Variants in AFF4 observed in about 807,000 individuals in gnomAD.
AFF4 encodes AF4/FMR2 family member 4.
Under a neutral mutation model 124.8 loss-of-function variants are expected in AFF4, and 13 were observed. The observed-to-expected ratio is 0.10, with a 90% CI of 0.07 to 0.17. The LOEUF (loss-of-function observed/expected upper bound fraction) is 0.17. AFF4 is among the 10% of genes least tolerant of loss of function. The pLI is 1.00. For synonymous variants in AFF4, 477 were observed against 496.1 expected (o/e 0.96, Z 0.51); for missense variants, 1,092 against 1,403.8 (o/e 0.78, Z 3.55).
At chr5:132,889,740 A>G (rs1303223217) in intron 13 of AFF4, among the ~76,000 whole-genome samples, 1 of 152,218 alleles carries the variant, frequency 6.6e-6, no homozygotes, top group Non-Finnish European at 1.5e-5. Flanking sequence ...CAAATTCAGA[A>G]TTGCCAGACT....
chr5:132,889,112 T>G lies in AFF4; in HGVS notation c.2699A>C (p.Lys900Thr). The G allele has an allele frequency of 6.2e-7, 1 of 1,614,086 alleles. No individual in the cohort carries two copies. The highest frequency in any genetic ancestry group is 8.5e-7 in the Non-Finnish European group (1 of 1,179,962). Residue 900 changes from lysine (K) to threonine (T), a missense_variant, in exon 14 of 21, where the codon AAG becomes ACG. By Grantham distance (78) the Lys-to-Thr change is moderately conservative (BLOSUM62 -1). Coordinates refer to ENST00000265343, the MANE Select transcript of AFF4 (RefSeq NM_014423.4). ...AAAGACAAGCTTTGTTCTCCGAGGC[T>G]TAGAAGAATCAAGAGTTGGTGCAGA... ...PPSAPTLDSSKPRRTKLVFDD... is the reference protein window; with the variant it reads ...PPSAPTLDSSTPRRTKLVFDD...
chr5:132,919,508 T>C (rs1199155951), intron 5 of AFF4, among the ~76,000 whole-genome samples: 1 of 152,136 alleles, frequency 6.6e-6, no homozygotes, highest in East Asian at 1.9e-4. Flanking sequence ...ATAGAAAAAT[T>C]AGCTTAAGAT....
intron 11 of AFF4, among the ~76,000 whole-genome samples, chr5:132,895,766 C>G (rs1437881617): frequency 6.6e-6 from 1 of 152,128 alleles, no homozygotes; most frequent in Non-Finnish European, 1.5e-5. Context: ...AAAAGCAGAC[C>G]TTAAATATAC....
chr5:132,915,129 GAGATGGT>G, intron 5 of AFF4, among the ~76,000 whole-genome samples: 1 of 152,090 alleles, frequency 6.6e-6, no homozygotes, highest in Non-Finnish European at 1.5e-5. Context: ...ACGAGGTCAG[GAGATGGT>G]CTAGACCATC....
rs754798157 is a variant in AFF4, at chr5:132,884,335, G to GGA, written c.3143+740_3143+741insTC. Among the ~76,000 whole-genome samples, 668 of 152,258 alleles carry GGA rather than the reference G, an allele frequency of 4.4e-3. 3 individuals carry two copies. Among genetic ancestry groups the GGA allele is most frequent in the Middle Eastern group, 0.01 (3 of 294 alleles). On this transcript the variant is annotated intron_variant, in intron 19 of 20. Coordinates refer to ENST00000265343, the MANE Select transcript of AFF4 (RefSeq NM_014423.4). ...TTACTGCAACCTCCACGCCTCCCTG[G>GGA]TTCCAATGATTCTCCTGCCTCAGCC...
At chr5:132,951,090 T>C (rs1161401552) in intron 1 of AFF4, among the ~76,000 whole-genome samples, 3 of 152,066 alleles carry the variant, frequency 2.0e-5, no homozygotes, top group African/African-American at 7.2e-5. Flanking sequence ...CCAGGCGTGG[T>C]GGTGCAAACC....
chr5:132,902,904 G>A (rs1487551793), intron 6 of AFF4, among the ~76,000 whole-genome samples: 4 of 152,120 alleles, frequency 2.6e-5, no homozygotes, highest in Non-Finnish European at 5.9e-5. Flanking sequence ...CCATCGATAG[G>A]GGACTAGTGA....
At chr5:132,894,290 A>G (rs1217804324) in intron 11 of AFF4, among the ~76,000 whole-genome samples, 2 of 152,248 alleles carry the variant, frequency 1.3e-5, no homozygotes, top group Non-Finnish European at 2.9e-5. Flanking sequence ...TATTCTCATC[A>G]GCACCATATC....
At position 132,926,330 on chromosome 5, in the gene AFF4, T is replaced by C. The variant is rs193079889; in HGVS notation, c.1050+791A>G. 3 of 358,270 alleles carry C rather than the reference T, an allele frequency of 8.4e-6. No individual in the cohort carries two copies. The East Asian group carries it at 1.9e-4, about 22-fold the overall frequency. The allele number at this position is 358,270 out of a possible 1,614,324, so 22.2% of individuals were successfully genotyped here. ...GTATTTCTGTATTATTTGTTTTAAG[T>C]GTAAATTAATACTGTTAAGTATAAG... On this transcript the variant is annotated intron_variant, in intron 5 of 20. Coordinates refer to ENST00000265343, the MANE Select transcript of AFF4 (RefSeq NM_014423.4).
intron 1 of AFF4, among the ~76,000 whole-genome samples, chr5:132,957,289 C>T (rs917561661): frequency 2.0e-4 from 30 of 148,328 alleles, no homozygotes; most frequent in African/African-American, 6.5e-4. Context: ...TGCAGTGAGC[C>T]GTGACTGCCC....
chr5:132,945,318 C>T (rs1423067522), intron 1 of AFF4: 1 of 152,076 alleles, frequency 6.6e-6, no homozygotes, highest in African/African-American at 2.4e-5. Flanking sequence ...AATTTTGAGA[C>T]CCATGAAACA....
rs1759968741 is a variant in AFF4, at chr5:132,881,195, C to A, written c.3365-9G>T. On this transcript the variant is annotated splice_polypyrimidine_tract_variant and intron_variant, in intron 20 of 20. Coordinates refer to ENST00000265343, the MANE Select transcript of AFF4 (RefSeq NM_014423.4). The stretch of plus-strand genomic sequence containing the variant: ...CAGTTCAGCAAAGAATTCTAGAAAA[C>A]CAAAAACATTCATTAAATGATATAT... 1 of 1,612,780 alleles carries A rather than the reference C, an allele frequency of 6.2e-7. No homozygotes were observed. Among genetic ancestry groups the A allele is most frequent in the Non-Finnish European group, 8.5e-7 (1 of 1,179,442 alleles).
At chr5:132,912,194 A>G (rs926281364) in intron 5 of AFF4, among the ~76,000 whole-genome samples, 3 of 146,082 alleles carry the variant, frequency 2.1e-5, no homozygotes, top group Admixed American at 2.0e-4. Context: ...AAAAAAAAAC[A>G]TTTAGCAGGG....
In AFF4 at chr5:132,885,096, T is replaced by C. The variant is rs1446372306; in HGVS notation, c.3123A>G (p.Ala1041=). 1 of 1,595,806 alleles carries C rather than the reference T, an allele frequency of 6.3e-7. No homozygotes were observed. Among genetic ancestry groups the C allele is most frequent in the Admixed American group, 1.7e-5 (1 of 57,144 alleles). ...HLKNSYNNSQ[A]PSPGLGSKAV... is the part of the protein sequence containing the mutation. ...CCTACCTTCCCAAGCCAGGCGATGGTGCTTGAGAATTATTATAAGAATTCT... is the reference window on the plus strand; with the variant it reads ...CCTACCTTCCCAAGCCAGGCGATGGCGCTTGAGAATTATTATAAGAATTCT... Residue 1041 remains alanine, a synonymous_variant, in exon 19 of 21, where the codon GCA becomes GCG. Transcript: ENST00000265343.
At position 132,905,482 on chromosome 5, in the gene AFF4, T is replaced by C. The variant is rs557749663; in HGVS notation, c.1051-1078A>G. Among the ~76,000 whole-genome samples the C allele has an allele frequency of 6.6e-5, 10 of 152,360 alleles. No individual in the cohort carries two copies. The South Asian group carries it at 8.3e-4, about 13-fold the overall frequency. The stretch of plus-strand genomic sequence containing the variant: ...TCCAAATAGTTAGAAAGCTAAAATA[T>C]AGTTTTGCGGTTAAAAAACATTAAA... On this transcript the variant is annotated intron_variant, in intron 5 of 20. Transcript: ENST00000265343.
chr5:132,948,090 C>T (rs191470908), intron 1 of AFF4, among the ~76,000 whole-genome samples: 18 of 151,848 alleles, frequency 1.2e-4, no homozygotes, highest in African/African-American at 1.9e-4. Context: ...CTTGCTCTGT[C>T]GCCAGGCTGG....
intron 1 of AFF4, among the ~76,000 whole-genome samples, chr5:132,952,251 A>G (rs1406815852): frequency 2.6e-5 from 4 of 152,214 alleles, no homozygotes; most frequent in African/African-American, 9.7e-5. Flanking sequence ...ACTATTCAAC[A>G]TTCTACTGTT....
At position 132,919,805 on chromosome 5, in the gene AFF4, A is replaced by G. The variant is rs572670304; in HGVS notation, c.1050+7316T>C. 1.8e-4 allele frequency among the ~76,000 whole-genome samples: 27 copies of G among 152,090 alleles called. No individual in the cohort carries two copies. The South Asian group carries it at 5.4e-3, about 30-fold the overall frequency. ...TCAGATGTTGCAGTGAGCCAAGATC[A>G]CACCACTGCACTCCAGCCTGGGTGA... is the stretch of plus-strand genomic sequence containing the variant. On this transcript the variant is annotated intron_variant, in intron 5 of 20. Coordinates refer to ENST00000265343, the MANE Select transcript of AFF4 (RefSeq NM_014423.4).
chr5:132,906,125 G>C (rs141359914), intron 5 of AFF4, among the ~76,000 whole-genome samples: 200 of 152,326 alleles, frequency 1.3e-3, no homozygotes, highest in Non-Finnish European at 2.4e-3. Flanking sequence ...TGTAACAAGT[G>C]TTGACAAGTA....
Sources: gnomAD v4.1 joint callset for allele counts (sites outside exome capture counted in the v4.1 genomes callset) on GRCh38, gnomAD v4.1.1 for gene constraint, MANE v1.5 for transcripts, NCBI Gene and HGNC (gene_info 2026-07-23, HGNC 2026-07-21) for gene names.